The following BCAS3 variants were observed in gnomAD, a reference collection of about 807,000 sequenced individuals.
BCAS3 encodes the protein BCAS4/BCAS3 fusion.
BCAS3 carries 53 observed loss-of-function variants against 116.1 expected under a neutral mutation model. The observed-to-expected ratio is 0.46, with a 90% CI of 0.37 to 0.57. BCAS3 has a LOEUF of 0.57. Ranked by LOEUF, BCAS3 falls within the 20% of genes least tolerant of loss-of-function variation. The pLI, the probability that BCAS3 is intolerant of heterozygous loss-of-function variation, is 0.00. For synonymous variants in BCAS3, 391 were observed against 408.2 expected, an observed-to-expected ratio of 0.96 and a Z score of 0.51; for missense variants, 917 against 1,165.4, an observed-to-expected ratio of 0.79 and a Z score of 3.10.
In BCAS3 at chr17:60,922,414, C is replaced by T. The variant is rs556623640; in HGVS notation, c.994-1993C>T. ...TGCTGGGATTACAGGCATGAGCCACCGCGCCTGGCCCAATTTTAGCTCTTT... is the reference window on the plus strand; with the variant it reads ...TGCTGGGATTACAGGCATGAGCCACTGCGCCTGGCCCAATTTTAGCTCTTT... On this transcript the variant is annotated intron_variant, in intron 12 of 23. Coordinates refer to ENST00000407086, the MANE Select transcript of BCAS3 (RefSeq NM_017679.5). 3.3e-5 allele frequency among the ~76,000 whole-genome samples: 5 copies of T among 152,248 alleles called. No individual in the cohort carries two copies. The South Asian group carries it at 6.2e-4, about 19-fold the overall frequency.
intron 22 of BCAS3, among the ~76,000 whole-genome samples, chr17:61,179,565 C>T (rs2079353745): frequency 6.6e-6 from 1 of 152,186 alleles, no homozygotes; most frequent in South Asian, 2.1e-4. Context: ...AGTTAATAAA[C>T]ACCAAGAGCT....
intron 5 of BCAS3, among the ~76,000 whole-genome samples, chr17:60,727,951 G>C (rs1026897592): frequency 9.2e-5 from 14 of 151,852 alleles, no homozygotes; most frequent in African/African-American, 2.9e-4. Context: ...GGGACTACAG[G>C]TGCATGCCAC....
intron 7 of BCAS3, among the ~76,000 whole-genome samples, chr17:60,816,056 C>T (rs932208570): frequency 5.3e-5 from 8 of 152,022 alleles, no homozygotes; most frequent in South Asian, 2.1e-4. Flanking sequence ...TTTACATTTT[C>T]GTAGCCAGTT....
At chr17:60,859,744 T>G (rs1439867594) in intron 7 of BCAS3, among the ~76,000 whole-genome samples, 2 of 152,032 alleles carry the variant, frequency 1.3e-5, no homozygotes, top group African/African-American at 4.8e-5. Flanking sequence ...AATTTTTGTA[T>G]TTTTAGTAGA....
intron 2 of BCAS3, 64 bp from the exon 3 acceptor site, chr17:60,683,918 G>A: frequency 3.7e-6 from 5 of 1,348,558 alleles, no homozygotes; most frequent in Non-Finnish European, 5.2e-6. Flanking sequence ...CTTGTAAATA[G>A]AGCTTTTTTC....
chr17:61,027,010 G>T (rs1211848122), intron 16 of BCAS3: 1 of 988,416 alleles, frequency 1.0e-6, no homozygotes, highest in African/African-American at 1.6e-5. Context: ...CCTGATCACA[G>T]ATAGATGCAC....
chr17:61,163,784 C>T (rs990825112), intron 22 of BCAS3, among the ~76,000 whole-genome samples: 3 of 151,868 alleles, frequency 2.0e-5, no homozygotes, highest in African/African-American at 2.4e-5. Context: ...GTTGGGAGTT[C>T]GAGACCAGCT....
chr17:60,979,428 A>G (rs1464399620), intron 14 of BCAS3, among the ~76,000 whole-genome samples: 4 of 149,586 alleles, frequency 2.7e-5, no homozygotes, highest in African/African-American at 1.0e-4. Flanking sequence ...TTTTCTAGAT[A>G]TACAATCATG....
chr17:60,784,342 G>T (rs987065803), intron 6 of BCAS3, among the ~76,000 whole-genome samples: 3 of 127,880 alleles, frequency 2.3e-5, no homozygotes, highest in Non-Finnish European at 4.7e-5. Context: ...TCACTCTGTC[G>T]CCCAGGAGGG....
chr17:61,366,046 G>T lies in BCAS3; in HGVS notation c.2426-2281G>T, dbSNP rs1039125407. Among the ~76,000 whole-genome samples, 1 of 151,682 alleles carries T rather than the reference G, an allele frequency of 6.6e-6. No individual in the cohort carries two copies. The highest frequency in any genetic ancestry group is 6.6e-5 in the Admixed American group (1 of 15,226). On this transcript the variant is annotated intron_variant, in intron 22 of 23. Coordinates refer to ENST00000407086, the MANE Select transcript of BCAS3 (RefSeq NM_017679.5). This position sits in a 1 kb window ranked among gnomAD's most constrained non-coding sequence, Gnocchi z 4.5. ...TAGTCCCAGCTACTCGGGAGGCTGAGACACGAGAATCGCCTGGACCCAGGA... is the reference window on the plus strand; with the variant it reads ...TAGTCCCAGCTACTCGGGAGGCTGATACACGAGAATCGCCTGGACCCAGGA...
chr17:60,874,001 G>T (rs1183654520), intron 8 of BCAS3, among the ~76,000 whole-genome samples: 2 of 151,826 alleles, frequency 1.3e-5, no homozygotes, highest in African/African-American at 4.8e-5. Context: ...ACTGTGCTGG[G>T]CTTGATCTTA....
At chr17:60,679,265 A>T (rs538096056) in intron 1 of BCAS3, among the ~76,000 whole-genome samples, 188 bp from the exon 2 acceptor site, 1 of 152,256 alleles carries the variant, frequency 6.6e-6, no homozygotes, top group South Asian at 2.1e-4. Flanking sequence ...TTATAATTTG[A>T]AAAAAATTAA....
chr17:61,331,192 A>G (rs1213775882), intron 22 of BCAS3, among the ~76,000 whole-genome samples: 1 of 152,082 alleles, frequency 6.6e-6, no homozygotes, highest in Admixed American at 6.6e-5. Context: ...ACACAGGGGT[A>G]GGGGATGGAG....
intron 22 of BCAS3, among the ~76,000 whole-genome samples, chr17:61,154,437 ATTT>A (rs375714479): frequency 7.1e-6 from 1 of 141,478 alleles, no homozygotes; most frequent in Non-Finnish European, 1.6e-5. Context: ...AGCACAAGCA[ATTT>A]TTTTTTTTTT....
chr17:61,116,262 A>C (rs865995293), intron 22 of BCAS3, among the ~76,000 whole-genome samples: 15 of 74,122 alleles, frequency 2.0e-4, no homozygotes, highest in African/African-American at 4.3e-4. Context: ...ATAAATAAAT[A>C]AATAAATAAA....
At position 61,140,491 on chromosome 17, in the gene BCAS3, C is replaced by G. The variant is rs538463308; in HGVS notation, c.2425+55927C>G. 6.6e-6 allele frequency among the ~76,000 whole-genome samples: 1 copy of G among 152,184 alleles called. No homozygotes were observed. Among genetic ancestry groups the G allele is most frequent in the Admixed American group, 6.5e-5 (1 of 15,300 alleles). On this transcript the variant is annotated intron_variant, in intron 22 of 23. Coordinates refer to ENST00000407086, the MANE Select transcript of BCAS3 (RefSeq NM_017679.5). This position sits in a 1 kb window ranked among gnomAD's most constrained non-coding sequence, Gnocchi z 4.2. The stretch of plus-strand genomic sequence containing the variant: ...ATTGAAACATTAAAGAAAAGTAACC[C>G]TGTTAAGTGGTTATCACAATCAAAC...
chr17:61,246,545 G>C (rs528623406), intron 22 of BCAS3, among the ~76,000 whole-genome samples: 1 of 143,622 alleles, frequency 7.0e-6, no homozygotes, highest in Admixed American at 7.0e-5. Context: ...TTTTACTTCC[G>C]CAACCAACCA....
At chr17:60,687,395 G>C (rs1487348457) in intron 3 of BCAS3, among the ~76,000 whole-genome samples, 1 of 152,142 alleles carries the variant, frequency 6.6e-6, no homozygotes, top group Non-Finnish European at 1.5e-5. Context: ...CTTGTGCCCA[G>C]GAGTACCAGA....
chr17:60,991,202 T>C (rs2063503284), intron 15 of BCAS3, among the ~76,000 whole-genome samples: 1 of 152,218 alleles, frequency 6.6e-6, no homozygotes, highest in Non-Finnish European at 1.5e-5. Context: ...TAAATGGAAT[T>C]GTAGAGTATG....
Sources: gnomAD v4.1 joint callset for allele counts (sites outside exome capture counted in the v4.1 genomes callset) on GRCh38, gnomAD v4.1.1 for gene constraint, Gnocchi (gnomAD v3.1) non-coding constraint, MANE v1.5 for transcripts, NCBI Gene and HGNC (gene_info 2026-07-23, HGNC 2026-07-21) for gene names.